RIMS2: variants seen among roughly 807,000 people sequenced by gnomAD.
The protein encoded by RIMS2 is regulating synaptic membrane exocytosis protein 2.
In RIMS2, 59 loss-of-function variants were observed where a neutral mutation model predicts 174.4. That is an observed-to-expected ratio of 0.34 (90% confidence interval 0.27 to 0.42). The LOEUF (loss-of-function observed/expected upper bound fraction) is 0.42, where lower values mean the gene tolerates loss of function less well. RIMS2 is among the 10% of genes least tolerant of loss of function. The pLI is 1.00. For synonymous variants in RIMS2, 606 were observed against 572.5 expected, an observed-to-expected ratio of 1.06 and a Z score of -0.84; for missense variants, 1,620 against 1,666.3, an observed-to-expected ratio of 0.97 and a Z score of 0.48.
chr8:103,577,156 A>T (rs572652179), intron 1 of RIMS2, among the ~76,000 whole-genome samples: 1 of 152,338 alleles, frequency 6.6e-6, no homozygotes, highest in African/African-American at 2.4e-5. Flanking sequence ...GAATGGGAGA[A>T]AATTTTTGCA....
intron 4 of RIMS2, among the ~76,000 whole-genome samples, chr8:103,891,737 C>A (rs1386922343): frequency 6.6e-6 from 1 of 151,984 alleles, no homozygotes. Context: ...ATGTTTGAAT[C>A]AATTCTTACA....
intron 1 of RIMS2, among the ~76,000 whole-genome samples, chr8:103,607,467 A>G (rs2095162632): frequency 1.3e-5 from 2 of 151,372 alleles, no homozygotes; most frequent in Non-Finnish European, 1.5e-5. Flanking sequence ...GGTGAATCTG[A>G]CAATTGTGTT....
At position 103,715,830 on chromosome 8, in the gene RIMS2, G is replaced by C. The variant is rs572608048; in HGVS notation, c.387+18534G>C. ...CAGAGATAAACTTCAGAAACAATATGTGTAATTCATGAAAATTACATTTTA... is the reference window on the plus strand; with the variant it reads ...CAGAGATAAACTTCAGAAACAATATCTGTAATTCATGAAAATTACATTTTA... On this transcript the variant is annotated intron_variant, in intron 2 of 23. Coordinates refer to ENST00000504942, the Ensembl canonical transcript of RIMS2. Among the ~76,000 whole-genome samples, 16 of 152,198 alleles carry C rather than the reference G, an allele frequency of 1.1e-4. No homozygotes were observed. The South Asian group carries it at 3.3e-3, about 32-fold the overall frequency.
chr8:103,726,380 T>C (rs78601667), intron 2 of RIMS2, among the ~76,000 whole-genome samples: 191 of 152,290 alleles, frequency 1.3e-3, no homozygotes, highest in African/African-American at 4.4e-3. Flanking sequence ...ACAGATAATT[T>C]ACATTTTGAT....
In RIMS2 at chr8:103,895,434, T is replaced by C. The variant is rs182289889; in HGVS notation, c.1624+9211T>C. Among the ~76,000 whole-genome samples the C allele has an allele frequency of 3.4e-4, 52 of 151,690 alleles. 1 individual carries two copies. The highest frequency in any genetic ancestry group is 1.2e-3 in the African/African-American group (49 of 41,092). On this transcript the variant is annotated intron_variant, in intron 4 of 23. Transcript: ENST00000504942. ...GTTGCAAATAGCTCTTTTTGCTGTA[T>C]CCTTACATGATGTGGGAGAGATAAT...
Position 104,013,543 on chromosome 8 carries a change from G to A in RIMS2, c.3146G>A (p.Arg1049His), listed in dbSNP as rs199562210. Residue 1049 changes from arginine to histidine, a missense_variant, in exon 18 of 24, where the codon CGT (arginine) becomes CAT (histidine). Transcript: ENST00000504942. ...ACCACCCGCTCCAGATCCACTGAACGTCCTGATACAAACCTCATGAGGTCG... is the reference window on the plus strand; with the variant it reads ...ACCACCCGCTCCAGATCCACTGAACATCCTGATACAAACCTCATGAGGTCG... The A allele has an allele frequency of 2.6e-5, 42 of 1,613,722 alleles. No homozygotes were observed. In the African/African-American group the frequency reaches 2.7e-4, roughly 10 times the overall value.
chr8:104,151,039 G>A (rs2098685905), intron 19 of RIMS2, among the ~76,000 whole-genome samples: 1 of 152,160 alleles, frequency 6.6e-6, no homozygotes, highest in Non-Finnish European at 1.5e-5. Context: ...TGAATTAACA[G>A]AGAAGTATGA....
chr8:103,706,576 T>G (rs1195874784), intron 2 of RIMS2, among the ~76,000 whole-genome samples: 2 of 152,188 alleles, frequency 1.3e-5, no homozygotes, highest in Non-Finnish European at 2.9e-5. Context: ...CAGAGTTCTC[T>G]GTTGCAAATT....
intron 19 of RIMS2, among the ~76,000 whole-genome samples, chr8:104,072,968 C>T (rs1385175205): frequency 6.6e-6 from 1 of 152,144 alleles, no homozygotes; most frequent in African/African-American, 2.4e-5. Flanking sequence ...ATTTATTATA[C>T]TCAATGTACT....
rs560521304 is a variant in RIMS2, at chr8:104,060,951, C to T, written c.3334+46336C>T. Among the ~76,000 whole-genome samples, 1,240 of 152,136 alleles carry T rather than the reference C, an allele frequency of 8.2e-3. 27 individuals are homozygous for T. Among genetic ancestry groups the T allele is most frequent in the African/African-American group, 0.028 (1,167 of 41,482 alleles). ...TCTGAGAGACAGTTTGTTATAATCTCTGTTCTTTTACATTTGCTGAGGAGA... is the reference window on the plus strand; with the variant it reads ...TCTGAGAGACAGTTTGTTATAATCTTTGTTCTTTTACATTTGCTGAGGAGA... On this transcript the variant is annotated intron_variant, in intron 19 of 23. Transcript: ENST00000504942.
intron 1 of RIMS2, among the ~76,000 whole-genome samples, chr8:103,626,831 G>A (rs1462871572): frequency 6.6e-6 from 1 of 152,074 alleles, no homozygotes. Flanking sequence ...AAAGGGGAGG[G>A]GGGGTGTACA....
chr8:103,933,558 A>AT (rs1386981796), intron 12 of RIMS2, among the ~76,000 whole-genome samples: 3 of 152,070 alleles, frequency 2.0e-5, no homozygotes, highest in Admixed American at 6.6e-5. Context: ...CGGATGTAGT[A>AT]TTTTTTATCT....
chr8:104,043,458 T>G (rs929421649), intron 19 of RIMS2, among the ~76,000 whole-genome samples: 23 of 151,482 alleles, frequency 1.5e-4, no homozygotes, highest in African/African-American at 5.1e-4. Flanking sequence ...GGCGGTTATA[T>G]AGAAAGAAGA....
In RIMS2 at chr8:103,779,458, G is replaced by A. The variant is rs574308218; in HGVS notation, c.698+12921G>A. The stretch of plus-strand genomic sequence containing the variant: ...GATAGGATTCTAGTTTCATTCTTCT[G>A]TATATGAATATCCAGTTTTCCCAGC... On this transcript the variant is annotated intron_variant, in intron 3 of 23. Coordinates refer to ENST00000504942, the Ensembl canonical transcript of RIMS2. 1.7e-3 allele frequency among the ~76,000 whole-genome samples: 256 copies of A among 151,946 alleles called. 1 individual carries two copies. Among genetic ancestry groups the A allele is most frequent in the Non-Finnish European group, 2.8e-3 (189 of 67,960 alleles).
chr8:104,154,409 T>A (rs1319261774), intron 19 of RIMS2, among the ~76,000 whole-genome samples: 1 of 152,216 alleles, frequency 6.6e-6, no homozygotes. Flanking sequence ...ACTTGAAATG[T>A]GGCTAGGGTA....
At chr8:103,871,144 C>T (rs2099109586) in intron 3 of RIMS2, among the ~76,000 whole-genome samples, 1 of 152,182 alleles carries the variant, frequency 6.6e-6, no homozygotes, top group Non-Finnish European at 1.5e-5. Context: ...CGCAGTGGCT[C>T]ATGCCTATAA....
intron 19 of RIMS2, among the ~76,000 whole-genome samples, chr8:104,147,281 G>A (rs1020666263): frequency 6.6e-6 from 1 of 151,348 alleles, no homozygotes; most frequent in Non-Finnish European, 1.5e-5. Context: ...TCTTTGTCCT[G>A]TTTCTGACTA....
rs543593825 is a variant in RIMS2 at position 103,751,565 on chromosome 8, A to T, written c.388-14662A>T. Among the ~76,000 whole-genome samples the T allele has an allele frequency of 2.7e-3, 413 of 151,720 alleles. 6 individuals are homozygous for T. The highest frequency in any genetic ancestry group is 9.1e-3 in the African/African-American group (378 of 41,344). The stretch of plus-strand genomic sequence containing the variant: ...TGAACTAGTTTACAGTCCCACCAAC[A>T]GTGTAAAAGTGTCCCTATTTCTCCA... On this transcript the variant is annotated intron_variant, in intron 2 of 23. Transcript: ENST00000504942.
chr8:103,991,062 T>C (rs142555247), intron 17 of RIMS2, among the ~76,000 whole-genome samples: 2 of 152,010 alleles, frequency 1.3e-5, no homozygotes, highest in African/African-American at 4.8e-5. Context: ...GTAATTATCA[T>C]GTCAGAGATA....
Sources: allele counts gnomAD v4.1 joint callset (sites outside exome capture counted in the v4.1 genomes callset), GRCh38; gene constraint gnomAD v4.1.1; transcripts MANE v1.5; gene names NCBI Gene and HGNC (gene_info 2026-07-23, HGNC 2026-07-21).